The following ADGRB1 variants were observed in gnomAD, a reference collection of about 807,000 sequenced individuals.
The protein encoded by ADGRB1 is adhesion G protein-coupled receptor B1, also known as brain-specific angiogenesis inhibitor 1.
Under a neutral mutation model 175.7 loss-of-function variants are expected in ADGRB1, and 36 were observed. The observed-to-expected ratio is 0.20, with a 90% confidence interval of 0.16 to 0.27. ADGRB1 has a LOEUF of 0.27. Ranked by LOEUF, ADGRB1 falls within the 10% of genes least tolerant of loss-of-function variation. The pLI, the probability that ADGRB1 is intolerant of heterozygous loss-of-function variation, is 1.00. For missense variants in ADGRB1, 1,731 were observed against 2,255.3 expected, an observed-to-expected ratio of 0.77 and a Z score of 4.71; for synonymous variants, 1,054 against 979.4, an observed-to-expected ratio of 1.08 and a Z score of -1.42.
intron 24 of ADGRB1, among the ~76,000 whole-genome samples, chr8:142,529,160 G>A (rs532707210): frequency 1.2e-4 from 18 of 150,826 alleles, no homozygotes; most frequent in African/African-American, 4.3e-4. Context: ...CTCCCTGTGA[G>A]TGCACATGAG....
chr8:142,468,229 T>C (rs1468080682), intron 2 of ADGRB1, among the ~76,000 whole-genome samples: 1 of 151,994 alleles, frequency 6.6e-6, no homozygotes, highest in East Asian at 1.9e-4. Flanking sequence ...TGTGTGTGCG[T>C]GTGCAGTACA....
chr8:142,544,419 CG>C lies in ADGRB1; in HGVS notation c.*5del. 1.4e-6 allele frequency: 2 copies of C among 1,472,574 alleles called. No homozygotes were observed. The highest frequency in any genetic ancestry group is 1.8e-6 in the Non-Finnish European group (2 of 1,110,068). 91.2% of individuals were successfully genotyped at this position (1,472,574 alleles called of 1,614,324 possible). A position where few individuals can be genotyped will look rare whatever the true frequency, so the allele number is the denominator to read the frequency against. Reference sequence around the variant, plus strand: ...ATCGACCTCCAGACCGAGGTCTGAGCGGGTGGGCGGCGGCCACGCACTGGGC... The same window carrying C: ...ATCGACCTCCAGACCGAGGTCTGAGCGGTGGGCGGCGGCCACGCACTGGGC... On this transcript the variant is annotated 3_prime_UTR_variant, in exon 31 of 31. Transcript: ENST00000517894.
Position 142,464,852 on chromosome 8 carries a change from C to T in ADGRB1, c.654C>T (p.Gly218=). ...IMQTPCACLG[G]EAGGPAAGPL... Reference sequence around the variant, plus strand: ...AGACCCCCTGCGCCTGCCTGGGCGGCGAGGCGGGCGGCCCTGCCGCGGGAC... The same window carrying T: ...AGACCCCCTGCGCCTGCCTGGGCGGTGAGGCGGGCGGCCCTGCCGCGGGAC... Residue 218 remains glycine, a synonymous_variant, in exon 2 of 31, where the codon GGC becomes GGT. Coordinates refer to ENST00000517894, the MANE Select transcript of ADGRB1 (RefSeq NM_001702.3). 1 of 1,521,926 alleles carries T rather than the reference C, an allele frequency of 6.6e-7. No homozygotes were observed. The highest frequency in any genetic ancestry group is 8.8e-7 in the Non-Finnish European group (1 of 1,140,506). The allele number at this position is 1,521,926 out of a possible 1,614,324, so 94.3% of individuals were successfully genotyped here.
intron 25 of ADGRB1, among the ~76,000 whole-genome samples, chr8:142,535,912 GA>G (rs905775268): frequency 1.3e-5 from 2 of 152,302 alleles, no homozygotes; most frequent in Non-Finnish European, 2.9e-5. Context: ...AGGCCACTGA[GA>G]CCCTGGTTTC....
chr8:142,457,300 G>A (rs889782928), intron 1 of ADGRB1, among the ~76,000 whole-genome samples: 3 of 152,208 alleles, frequency 2.0e-5, no homozygotes, highest in African/African-American at 7.2e-5. Flanking sequence ...TTCTGCAGGT[G>A]GGGGGTCAGA....
intron 2 of ADGRB1, among the ~76,000 whole-genome samples, chr8:142,472,964 C>T (rs893247685): frequency 1.1e-4 from 16 of 152,118 alleles, no homozygotes; most frequent in Admixed American, 1.0e-3. Context: ...GTGATCCATC[C>T]TCTGGGCCAG....
intron 23 of ADGRB1, among the ~76,000 whole-genome samples, chr8:142,525,201 C>A (rs542081666): frequency 2.2e-4 from 33 of 151,892 alleles, no homozygotes; most frequent in Non-Finnish European, 4.7e-4. Context: ...GGGGCGCCAT[C>A]CTTGGGCAGC....
chr8:142,464,209 A>G lies in ADGRB1; in HGVS notation c.11A>G (p.Gln4Arg). 7.8e-7 allele frequency: 1 copy of G among 1,286,802 alleles called. No individual in the cohort carries two copies. 79.7% of individuals were successfully genotyped at this position (1,286,802 alleles called of 1,614,324 possible). Residue 4 changes from glutamine (Q) to arginine (R), a missense_variant, in exon 2 of 31, where the codon CAG (glutamine) becomes CGG (arginine). Physicochemically the swap from Gln to Arg is conservative, Grantham distance 43. Coordinates refer to ENST00000517894, the MANE Select transcript of ADGRB1 (RefSeq NM_001702.3). MRG[Q>R]AAAPGPVWIL... is the part of the protein sequence containing the mutation. ...GCCCCGCGAGCTAGGATGAGGGGCC[A>G]GGCCGCCGCCCCGGGCCCCGTCTGG...
In ADGRB1 at chr8:142,474,873, C is replaced by T. The variant is rs1224994495; in HGVS notation, c.785-601C>T. Among the ~76,000 whole-genome samples, 3 of 152,118 alleles carry T rather than the reference C, an allele frequency of 2.0e-5. No homozygotes were observed. Among genetic ancestry groups the T allele is most frequent in the East Asian group, 1.9e-4 (1 of 5,180 alleles). ...AGCTGGCCAGGTCCAGGGCAGGCTC[C>T]GTCAGGCTGTGCCCTGGGTTCGAGG... On this transcript the variant is annotated intron_variant, in intron 2 of 30. Transcript: ENST00000517894. This position sits in a 1 kb window ranked among gnomAD's most constrained non-coding sequence, Gnocchi z 5.8.
In ADGRB1 at chr8:142,489,225, G is replaced by A. The variant is rs112510804; in HGVS notation, c.2529-111G>A. 16 of 1,545,858 alleles carry A rather than the reference G, an allele frequency of 1.0e-5. No individual in the cohort carries two copies. The African/African-American group carries it at 1.1e-4, about 11-fold the overall frequency. On this transcript the variant is annotated intron_variant, in intron 15 of 30. Coordinates refer to ENST00000517894, the MANE Select transcript of ADGRB1 (RefSeq NM_001702.3). ...GGGCCTGGAGGAGTGTGGATGATGG[G>A]CTGTGGAGGGTGGCGGCGGGTACAG... is the stretch of plus-strand genomic sequence containing the variant.
intron 27 of ADGRB1, among the ~76,000 whole-genome samples, chr8:142,541,510 C>G (rs946942856): frequency 3.9e-5 from 6 of 152,176 alleles, no homozygotes; most frequent in Non-Finnish European, 7.4e-5. Context: ...CACTGCCCCC[C>G]ACCCACACAA....
At chr8:142,480,203 TA>T (rs1232196401) in intron 9 of ADGRB1, among the ~76,000 whole-genome samples, 1 of 152,166 alleles carries the variant, frequency 6.6e-6, no homozygotes, top group African/African-American at 2.4e-5. Flanking sequence ...CTCGCTGCAC[TA>T]GGGGCAGGCC....
chr8:142,488,634 TC>T, intron 14 of ADGRB1, 127 bp downstream of exon 14: 1 of 1,287,440 alleles, frequency 7.8e-7, no homozygotes, highest in Non-Finnish European at 1.1e-6. Context: ...GGTCCTCTTT[TC>T]CAGGAAGCCC....
At chr8:142,453,152 G>T (rs1443161113) in intron 1 of ADGRB1, among the ~76,000 whole-genome samples, 1 of 151,940 alleles carries the variant, frequency 6.6e-6, no homozygotes, top group Non-Finnish European at 1.5e-5. Context: ...TGTGCGGTGC[G>T]CTGGCGTGAG....
intron 27 of ADGRB1, 150 bp from the exon 28 acceptor site, chr8:142,541,791 C>A (rs1845285622): frequency 3.6e-6 from 3 of 837,520 alleles, no homozygotes; most frequent in Non-Finnish European, 5.4e-6. Context: ...TGCAGTTGGC[C>A]CTCCGATCGG....
chr8:142,519,785 G>A (rs1386688823), intron 19 of ADGRB1, among the ~76,000 whole-genome samples: 1 of 148,498 alleles, frequency 6.7e-6, no homozygotes, highest in African/African-American at 2.4e-5. Flanking sequence ...TGATGGTGAT[G>A]GTGGTAGTGG....
chr8:142,480,440 G>T (rs1370395080), intron 9 of ADGRB1, among the ~76,000 whole-genome samples: 1 of 152,156 alleles, frequency 6.6e-6, no homozygotes, highest in Admixed American at 6.5e-5. Flanking sequence ...GGGGACGGTG[G>T]CAGGGGCCCT....
rs1842747214 is a variant in ADGRB1, at chr8:142,504,089, G to T, written c.2676-6843G>T. On this transcript the variant is annotated intron_variant, in intron 17 of 30. Coordinates refer to ENST00000517894, the MANE Select transcript of ADGRB1 (RefSeq NM_001702.3). This position sits in a 1 kb window ranked among gnomAD's most constrained non-coding sequence, Gnocchi z 5.6. ...ACCCAGGTCAGGCAGGTGTTCAAATGCCAAGGTCGATGGGTCACAGCGACC... is the reference window on the plus strand; with the variant it reads ...ACCCAGGTCAGGCAGGTGTTCAAATTCCAAGGTCGATGGGTCACAGCGACC... Among the ~76,000 whole-genome samples, 3 of 152,200 alleles carry T rather than the reference G, an allele frequency of 2.0e-5. No individual in the cohort carries two copies. The highest frequency in any genetic ancestry group is 4.4e-5 in the Non-Finnish European group (3 of 68,030).
chr8:142,458,924 G>T (rs1402218013), intron 1 of ADGRB1, among the ~76,000 whole-genome samples: 1 of 152,208 alleles, frequency 6.6e-6, no homozygotes, highest in Non-Finnish European at 1.5e-5. Flanking sequence ...CCTGTGGTTC[G>T]GGGACCAAGA....
Sources: allele counts gnomAD v4.1 joint callset (sites outside exome capture counted in the v4.1 genomes callset), GRCh38; gene constraint gnomAD v4.1.1; non-coding constraint Gnocchi (gnomAD v3.1); transcripts MANE v1.5; gene names NCBI Gene and HGNC (gene_info 2026-07-23, HGNC 2026-07-21).